Variants in NRXN3 observed in about 807,000 individuals in gnomAD.
NRXN3 encodes the protein neurexin 3.
A neutral mutation model predicts 137.6 loss-of-function variants in NRXN3; 32 were observed. That is an observed-to-expected ratio of 0.23 (90% CI 0.18 to 0.31). The LOEUF (loss-of-function observed/expected upper bound fraction) is 0.31, where lower values mean the gene tolerates loss of function less well. Among genes scored for constraint, NRXN3 ranks in the 10% least tolerant of loss-of-function variants. The pLI, the probability that NRXN3 is intolerant of heterozygous loss-of-function variation, is 1.00. For missense variants in NRXN3, 1,574 were observed against 2,062.5 expected, an observed-to-expected ratio of 0.76 and a Z score of 4.59; for synonymous variants, 798 against 784.5, an observed-to-expected ratio of 1.02 and a Z score of -0.29.
chr14:78,583,285 C>T (rs533357772), intron 4 of NRXN3, among the ~76,000 whole-genome samples: 1 of 151,862 alleles, frequency 6.6e-6, no homozygotes, highest in African/African-American at 2.4e-5. Context: ...ACTTATTTGT[C>T]CACTAAAATA....
chr14:78,553,511 C>T (rs1036092047), intron 4 of NRXN3, among the ~76,000 whole-genome samples: 8 of 152,164 alleles, frequency 5.3e-5, no homozygotes, highest in Admixed American at 5.2e-4. Flanking sequence ...GCACTCTAGC[C>T]CCATCCACCC....
At chr14:79,483,943 A>G (rs1339024515) in intron 16 of NRXN3, among the ~76,000 whole-genome samples, 2 of 152,180 alleles carry the variant, frequency 1.3e-5, no homozygotes, top group African/African-American at 4.8e-5. Context: ...TACCATCTGG[A>G]AATAAACCCT....
chr14:78,284,689 C>T (rs1217851644), intron 3 of NRXN3, among the ~76,000 whole-genome samples: 3 of 152,090 alleles, frequency 2.0e-5, no homozygotes, highest in Admixed American at 2.0e-4. Flanking sequence ...GAGGCATGCT[C>T]CTGTGCAGTG....
chr14:78,416,353 G>A (rs2093136132), intron 4 of NRXN3, among the ~76,000 whole-genome samples: 1 of 152,154 alleles, frequency 6.6e-6, no homozygotes, highest in Non-Finnish European at 1.5e-5. Context: ...CCTGAATAAA[G>A]GATAGGAAAT....
chr14:78,194,554 G>T, intron 1 of NRXN3, among the ~76,000 whole-genome samples: 1 of 152,248 alleles, frequency 6.6e-6, no homozygotes, highest in Non-Finnish European at 1.5e-5. Context: ...CTGGCCTGCC[G>T]GGCCTGGCTG....
chr14:79,164,635 T>G (rs1434463452), intron 15 of NRXN3, among the ~76,000 whole-genome samples: 1 of 152,004 alleles, frequency 6.6e-6, no homozygotes, highest in Non-Finnish European at 1.5e-5. Flanking sequence ...TGTGGGAAAT[T>G]ATTTCTATTC....
At chr14:78,830,948 A>C (rs1353982935) in intron 10 of NRXN3, among the ~76,000 whole-genome samples, 1 of 152,198 alleles carries the variant, frequency 6.6e-6, no homozygotes, top group Non-Finnish European at 1.5e-5. Context: ...AAATATTTAA[A>C]ATATTTCACA....
intron 9 of NRXN3, among the ~76,000 whole-genome samples, chr14:78,804,225 A>G (rs1271758763): frequency 6.6e-6 from 1 of 152,184 alleles, no homozygotes; most frequent in Non-Finnish European, 1.5e-5. Context: ...GTGGAGGCAA[A>G]ATGTTGATGG....
chr14:79,487,373 G>A (rs2096667115), intron 16 of NRXN3, among the ~76,000 whole-genome samples: 1 of 151,976 alleles, frequency 6.6e-6, no homozygotes, highest in Non-Finnish European at 1.5e-5. Context: ...ATGGTGAAAG[G>A]CATTTTCCTA....
chr14:79,798,540 A>G (rs2099167649), intron 19 of NRXN3, among the ~76,000 whole-genome samples: 1 of 152,240 alleles, frequency 6.6e-6, no homozygotes, highest in Non-Finnish European at 1.5e-5. Context: ...CACCGGAAGA[A>G]AGGAGATCAT....
chr14:79,315,658 A>G (rs1198667194), intron 15 of NRXN3, among the ~76,000 whole-genome samples: 1 of 152,162 alleles, frequency 6.6e-6, no homozygotes, highest in Non-Finnish European at 1.5e-5. Context: ...GCCAGGCAAA[A>G]CTTATGTAGT....
intron 20 of NRXN3, among the ~76,000 whole-genome samples, chr14:79,836,833 T>TA (rs1406906851): frequency 6.6e-6 from 1 of 152,146 alleles, no homozygotes; most frequent in Non-Finnish European, 1.5e-5. Flanking sequence ...CCTGACTCAC[T>TA]AGCTTCTGTG....
intron 9 of NRXN3, among the ~76,000 whole-genome samples, chr14:78,807,416 G>T (rs955827299): frequency 6.6e-6 from 1 of 151,954 alleles, no homozygotes; most frequent in Non-Finnish European, 1.5e-5. Flanking sequence ...TTCCATGCTC[G>T]ACCCAAAGCT....
At chr14:78,949,959 C>T (rs1182417292) in intron 10 of NRXN3, among the ~76,000 whole-genome samples, 2 of 152,104 alleles carry the variant, frequency 1.3e-5, no homozygotes, top group Admixed American at 6.6e-5. Context: ...GGCATATCCT[C>T]GTTAGAATCT....
chr14:78,375,254 A>C (rs1403562584), intron 4 of NRXN3, among the ~76,000 whole-genome samples: 4 of 152,226 alleles, frequency 2.6e-5, no homozygotes, highest in African/African-American at 9.6e-5. Flanking sequence ...ATAGTAGGAA[A>C]AACTTTGCCT....
At chr14:78,806,062 T>TC (rs35101657) in intron 9 of NRXN3, among the ~76,000 whole-genome samples, 95,524 of 137,774 alleles carry the variant, frequency 0.69, 36,442 homozygotes, top group Non-Finnish European at 0.86. Flanking sequence ...TTTTTTTTTT[T>TC]CCCCTTTGGC....
intron 16 of NRXN3, among the ~76,000 whole-genome samples, chr14:79,655,984 C>CA (rs2098503587): frequency 6.6e-6 from 1 of 152,150 alleles, no homozygotes; most frequent in African/African-American, 2.4e-5. Context: ...GCACTAGACC[C>CA]AACAATTTAC....
Position 79,642,756 on chromosome 14 carries a change from A to G in NRXN3, c.3445-21022A>G, listed in dbSNP as rs777049383. Among the ~76,000 whole-genome samples, 46 of 135,360 alleles carry G rather than the reference A, an allele frequency of 3.4e-4. 14 individuals are homozygous for G. The highest frequency in any genetic ancestry group is 7.2e-4 in the Non-Finnish European group (42 of 58,184). 88.8% of individuals were successfully genotyped at this position (135,360 alleles called of 152,430 possible). ...GTGATTTTTATTCCCTGTTCACGCC[A>G]TTCTCCTGATTTCCTGTATAGTAAC... On this transcript the variant is annotated intron_variant, in intron 16 of 20. Transcript: ENST00000335750.
At chr14:79,240,653 C>T (rs2074120760) in intron 15 of NRXN3, among the ~76,000 whole-genome samples, 1 of 152,120 alleles carries the variant, frequency 6.6e-6, no homozygotes, top group African/African-American at 2.4e-5. Flanking sequence ...GCATCTTTGG[C>T]TGCCCTTTTT....
Sources: allele counts gnomAD v4.1 joint callset (sites outside exome capture counted in the v4.1 genomes callset), GRCh38; gene constraint gnomAD v4.1.1; transcripts MANE v1.5; gene names NCBI Gene and HGNC (gene_info 2026-07-23, HGNC 2026-07-21).